The following ARL15 variants were observed in gnomAD, a reference collection of about 807,000 sequenced individuals.
ARL15 encodes ARF like GTPase 15, also known as ADP-ribosylation factor-like protein 15.
A neutral mutation model predicts 25.2 loss-of-function variants in ARL15; 19 were observed. That is an observed-to-expected ratio of 0.75 (90% CI 0.53 to 1.10). The LOEUF (loss-of-function observed/expected upper bound fraction) is 1.10, where lower values mean the gene tolerates loss of function less well. ARL15 is among the 50% of genes least tolerant of loss of function. ARL15 has a pLI of 0.00. For synonymous variants in ARL15, 94 were observed against 86.8 expected, an observed-to-expected ratio of 1.08 and a Z score of -0.46; for missense variants, 220 against 246.0, an observed-to-expected ratio of 0.89 and a Z score of 0.71.
rs549055142 is a variant in ARL15 at position 54,229,806 on chromosome 5, T to C, written c.49-57878A>G. On this transcript the variant is annotated intron_variant, in intron 1 of 4. Transcript: ENST00000504924. ...CACCATAGGGGCTCCCTCTGGGACA[T>C]GGTCTCAACTGGCTCTGGCCGATTC... is the stretch of plus-strand genomic sequence containing the variant. Among the ~76,000 whole-genome samples the C allele has an allele frequency of 3.9e-5, 6 of 152,334 alleles. No homozygotes were observed. The South Asian group carries it at 1.0e-3, about 26-fold the overall frequency.
chr5:54,054,135 C>G (rs1033227101), intron 4 of ARL15, among the ~76,000 whole-genome samples: 2 of 152,334 alleles, frequency 1.3e-5, no homozygotes, highest in Non-Finnish European at 2.9e-5. Context: ...CAGCCATCCT[C>G]TGTGCTCCAT....
At chr5:54,025,287 C>CAAAA (rs756211559) in intron 4 of ARL15, among the ~76,000 whole-genome samples, 8 of 80,160 alleles carry the variant, frequency 1.0e-4, no homozygotes, top group Admixed American at 3.4e-4. Flanking sequence ...ACAAAGGGAC[C>CAAAA]AAAAAAAAAA....
Position 53,963,322 on chromosome 5 carries a change from G to A in ARL15, c.463-76609C>T, listed in dbSNP as rs372820635. ...AAATACATCTTGAAAGCCTTATTCT[G>A]GAACTGAAGAATTTAAGTTAGTCTG... On this transcript the variant is annotated intron_variant, in intron 4 of 4. Coordinates refer to ENST00000504924, the MANE Select transcript of ARL15 (RefSeq NM_019087.3). Among the ~76,000 whole-genome samples the A allele has an allele frequency of 5.9e-5, 9 of 152,234 alleles. No homozygotes were observed. In the East Asian group the frequency reaches 9.7e-4, roughly 16 times the overall value.
intron 1 of ARL15, among the ~76,000 whole-genome samples, chr5:54,244,257 A>C (rs1376780347): frequency 6.6e-6 from 1 of 152,244 alleles, no homozygotes; most frequent in African/African-American, 2.4e-5. Context: ...TTAGTAAATG[A>C]GTGTGTAAAA....
intron 4 of ARL15, among the ~76,000 whole-genome samples, chr5:54,063,445 AAGC>A (rs1751127219): frequency 6.6e-6 from 1 of 152,222 alleles, no homozygotes; most frequent in African/African-American, 2.4e-5. Flanking sequence ...GGCAGACACA[AAGC>A]AGCATGCTTA....
chr5:54,014,026 G>C (rs1749329331), intron 4 of ARL15, among the ~76,000 whole-genome samples: 2 of 152,142 alleles, frequency 1.3e-5, no homozygotes, highest in African/African-American at 4.8e-5. Context: ...AACCCATTAG[G>C]TGATTACAAA....
At chr5:54,284,425 G>A (rs905270423) in intron 1 of ARL15, among the ~76,000 whole-genome samples, 1 of 152,126 alleles carries the variant, frequency 6.6e-6, no homozygotes, top group African/African-American at 2.4e-5. Flanking sequence ...TTTAAAAATT[G>A]TTGTGTGTCT....
At chr5:53,981,968 C>T (rs140186617) in intron 4 of ARL15, among the ~76,000 whole-genome samples, 43 of 151,942 alleles carry the variant, frequency 2.8e-4, no homozygotes, top group Admixed American at 6.6e-4. Context: ...TTACACTTTT[C>T]GTATAGGCAA....
chr5:54,081,913 G>A (rs1221727369), intron 4 of ARL15, among the ~76,000 whole-genome samples: 7 of 151,742 alleles, frequency 4.6e-5, no homozygotes, highest in African/African-American at 1.7e-4. Context: ...CCAACATAGC[G>A]AAACCCCGTC....
rs10676630 is a variant in ARL15, at chr5:54,084,424, C to CA, written c.462+28777dup. Among the ~76,000 whole-genome samples, 513 of 129,882 alleles carry CA rather than the reference C, an allele frequency of 3.9e-3. 9 individuals are homozygous for CA. The highest frequency in any genetic ancestry group is 6.8e-3 in the African/African-American group (231 of 34,154). 85.2% of individuals were successfully genotyped at this position (129,882 alleles called of 152,430 possible). A position where few individuals can be genotyped will look rare whatever the true frequency, so the allele number is the denominator to read the frequency against. ...GGCCACTACAGTGGTACTGACTCTT[C>CA]AAAAAAAAAAAAAAGAGAGACTGTA... On this transcript the variant is annotated intron_variant, in intron 4 of 4. Coordinates refer to ENST00000504924, the MANE Select transcript of ARL15 (RefSeq NM_019087.3).
rs187731432 is a variant in ARL15 at position 54,101,135 on chromosome 5, T to C, written c.462+12067A>G. On this transcript the variant is annotated intron_variant, in intron 4 of 4. Coordinates refer to ENST00000504924, the MANE Select transcript of ARL15 (RefSeq NM_019087.3). The stretch of plus-strand genomic sequence containing the variant: ...AATGTATGCATATTTGTAAACAAAA[T>C]GAGTGAGAGAAGAGTTGTTATTCTA... Among the ~76,000 whole-genome samples the C allele has an allele frequency of 5.7e-4, 87 of 152,192 alleles. 1 individual carries two copies. The highest frequency in any genetic ancestry group is 1.3e-4 in the Non-Finnish European group (9 of 67,950).
chr5:53,966,467 A>G (rs1236547708), intron 4 of ARL15, among the ~76,000 whole-genome samples: 1 of 152,196 alleles, frequency 6.6e-6, no homozygotes, highest in Non-Finnish European at 1.5e-5. Flanking sequence ...AACAGAACCA[A>G]AAGTGGGAGT....
chr5:54,109,430 T>C (rs1405432879), intron 4 of ARL15, among the ~76,000 whole-genome samples: 1 of 151,996 alleles, frequency 6.6e-6, no homozygotes, highest in Non-Finnish European at 1.5e-5. Flanking sequence ...ACAAAACGTG[T>C]TCTTTTATAA....
Position 54,113,300 on chromosome 5 carries a change from C to T in ARL15, c.364G>A (p.Glu122Lys). ...GGATGCTGAAGAGCTGAGTGCAGCTCATTTCTAGCAGCTTCTAAATCATCC... is the reference window on the plus strand; with the variant it reads ...GGATGCTGAAGAGCTGAGTGCAGCTTATTTCTAGCAGCTTCTAAATCATCC... The part of the protein sequence containing the change: ...SEDDLEAARN[E>K]LHSALQHPQL... Residue 122 changes from glutamate (E) to lysine (K), a missense_variant, in exon 4 of 5, where the codon GAG (glutamate) becomes AAG (lysine). Physicochemically the swap from Glu to Lys is moderately conservative, Grantham distance 56 (BLOSUM62 1). Coordinates refer to ENST00000504924, the MANE Select transcript of ARL15 (RefSeq NM_019087.3). 1 of 1,613,948 alleles carries T rather than the reference C, an allele frequency of 6.2e-7. No individual in the cohort carries two copies. Among genetic ancestry groups the T allele is most frequent in the Non-Finnish European group, 8.5e-7 (1 of 1,179,866 alleles).
intron 1 of ARL15, among the ~76,000 whole-genome samples, chr5:54,242,144 T>G (rs1459852227): frequency 1.3e-5 from 2 of 152,118 alleles, no homozygotes; most frequent in African/African-American, 4.8e-5. Flanking sequence ...CCTGCATCAC[T>G]TTTAACCTGT....
intron 3 of ARL15, among the ~76,000 whole-genome samples, chr5:54,144,299 T>C (rs1325264762): frequency 1.3e-5 from 2 of 152,172 alleles, no homozygotes; most frequent in African/African-American, 4.8e-5. Flanking sequence ...ACAGGGATGC[T>C]AGAACTTCTG....
chr5:53,956,797 A>C (rs1747173500), intron 4 of ARL15, among the ~76,000 whole-genome samples: 1 of 152,292 alleles, frequency 6.6e-6, no homozygotes, highest in East Asian at 1.9e-4. Context: ...GCTGAAAACT[A>C]CAATGACTCA....
At chr5:54,205,113 T>C (rs1755832446) in intron 1 of ARL15, among the ~76,000 whole-genome samples, 1 of 152,048 alleles carries the variant, frequency 6.6e-6, no homozygotes, top group Non-Finnish European at 1.5e-5. Flanking sequence ...CCTTGAACTT[T>C]TCCAACTCCT....
intron 4 of ARL15, among the ~76,000 whole-genome samples, chr5:54,029,601 G>A (rs1251923774): frequency 1.3e-5 from 2 of 152,160 alleles, no homozygotes; most frequent in Non-Finnish European, 2.9e-5. Flanking sequence ...ACTCTTGCCT[G>A]TAATCTTAGA....
Sources: allele counts gnomAD v4.1 joint callset (sites outside exome capture counted in the v4.1 genomes callset), GRCh38; gene constraint gnomAD v4.1.1; transcripts MANE v1.5; gene names NCBI Gene and HGNC (gene_info 2026-07-23, HGNC 2026-07-21).